PTPN2: variants seen among roughly 807,000 people sequenced by gnomAD.
PTPN2 encodes the protein protein tyrosine phosphatase non-receptor type 2.
PTPN2 carries 19 observed loss-of-function variants against 57.3 expected under a neutral mutation model. That is an observed-to-expected ratio of 0.33 (90% CI 0.23 to 0.49). PTPN2 has a LOEUF of 0.49. Ranked by LOEUF, PTPN2 falls within the 20% of genes least tolerant of loss-of-function variation. The pLI is 0.99. For missense variants in PTPN2, 358 were observed against 501.1 expected, an observed-to-expected ratio of 0.71 and a Z score of 2.73; for synonymous variants, 153 against 164.9, an observed-to-expected ratio of 0.93 and a Z score of 0.55.
At chr18:12,806,951 A>T (rs2041673610) in intron 7 of PTPN2, among the ~76,000 whole-genome samples, 1 of 152,192 alleles carries the variant, frequency 6.6e-6, no homozygotes, top group Non-Finnish European at 1.5e-5. Flanking sequence ...CATCAAACTA[A>T]AAAGCTTCTG....
Position 12,870,462 on chromosome 18 carries a change from TAG to T in PTPN2, c.70-11210_70-11209del, listed in dbSNP as rs762120431. 7.2e-3 allele frequency among the ~76,000 whole-genome samples: 127 copies of T among 17,706 alleles called. 9 individuals are homozygous for T. The highest frequency in any genetic ancestry group is 0.028 in the African/African-American group (58 of 2,064). 11.6% of individuals were successfully genotyped at this position (17,706 alleles called of 152,430 possible). A position where few individuals can be genotyped will look rare whatever the true frequency, so the allele number is the denominator to read the frequency against. On this transcript the variant is annotated intron_variant, in intron 1 of 8. Transcript: ENST00000309660. ...ATGTGTATATATATATATATATATA[TAG>T]AGAGAGAGAGAGAGAGAGAGAGAGA...
At chr18:12,860,079 GGAGTTT>G (rs970899916) in intron 1 of PTPN2, among the ~76,000 whole-genome samples, 1 of 152,076 alleles carries the variant, frequency 6.6e-6, no homozygotes, top group Non-Finnish European at 1.5e-5. Context: ...CCTGAGGTCA[GGAGTTT>G]GAGACCAACC....
At chr18:12,856,406 G>C (rs1228584706) in intron 2 of PTPN2, among the ~76,000 whole-genome samples, 1 of 152,158 alleles carries the variant, frequency 6.6e-6, no homozygotes, top group Non-Finnish European at 1.5e-5. Flanking sequence ...AGGCATGTGT[G>C]GGGAGGGAGG....
In PTPN2 at chr18:12,793,061, T is replaced by C. The variant is rs1295045375; in HGVS notation, c.*1217A>G. ...AAAACCACTGAAATAAGGTATGCTA[T>C]CCATAATAATGTATGCTATCCATGC... is the stretch of plus-strand genomic sequence containing the variant. On this transcript the variant is annotated 3_prime_UTR_variant, in exon 9 of 9. Transcript: ENST00000309660. The C allele has an allele frequency of 1.0e-6, 1 of 985,296 alleles. No homozygotes were observed. The highest frequency in any genetic ancestry group is 1.1e-4 in the East Asian group (1 of 8,834). 61.0% of individuals were successfully genotyped at this position (985,296 alleles called of 1,614,324 possible). A position where few individuals can be genotyped will look rare whatever the true frequency, so the allele number is the denominator to read the frequency against.
At chr18:12,800,517 G>T (rs1014847842) in intron 8 of PTPN2, among the ~76,000 whole-genome samples, 14 of 152,044 alleles carry the variant, frequency 9.2e-5, no homozygotes, top group Admixed American at 2.0e-4. Flanking sequence ...TAAAACTACT[G>T]AAGTCAAAAA....
intron 5 of PTPN2, among the ~76,000 whole-genome samples, chr18:12,818,013 G>A (rs944252193): frequency 1.2e-4 from 19 of 152,036 alleles, no homozygotes; most frequent in African/African-American, 4.1e-4. Flanking sequence ...GTGGTGGCGC[G>A]TGCCTGTAAT....
chr18:12,865,730 G>A (rs919671019), intron 1 of PTPN2, among the ~76,000 whole-genome samples: 9 of 152,016 alleles, frequency 5.9e-5, no homozygotes, highest in Non-Finnish European at 1.2e-4. Context: ...GGAAGGCTGA[G>A]GAACGAGAAT....
At chr18:12,817,128 T>A (rs1157999140) in intron 6 of PTPN2, 28 bp downstream of exon 6, 1 of 1,588,944 alleles carries the variant, frequency 6.3e-7, no homozygotes, top group Non-Finnish European at 8.6e-7. Flanking sequence ...ATCAATGAGA[T>A]TAAAATGAGA....
intron 1 of PTPN2, among the ~76,000 whole-genome samples, chr18:12,871,463 C>T (rs1301226398): frequency 1.3e-5 from 2 of 152,048 alleles, no homozygotes; most frequent in Admixed American, 6.5e-5. Context: ...TCTGTATTTC[C>T]GCTCTCTTTT....
At chr18:12,804,289 CAAAAAAAAA>C (rs59927276) in intron 7 of PTPN2, among the ~76,000 whole-genome samples, 5 of 67,868 alleles carry the variant, frequency 7.4e-5, no homozygotes, top group South Asian at 1.3e-3. Flanking sequence ...GAAACTGTCT[CAAAAAAAAA>C]AAAAAAAAAA....
chr18:12,787,829 T>C (rs2040879805), downstream of PTPN2: 1 of 153,316 alleles, frequency 6.5e-6, no homozygotes, highest in Admixed American at 6.5e-5. Flanking sequence ...AACGTGGTGC[T>C]TTCTGTGGAG....
intron 3 of PTPN2, among the ~76,000 whole-genome samples, chr18:12,835,380 G>GTTTTTTTTTTTTTTTTTTTTT (rs1598816657): frequency 4.8e-5 from 1 of 20,664 alleles, no homozygotes; most frequent in African/African-American, 1.2e-4. Context: ...GATCACATAT[G>GTTTTTTTTTTTTTTTTTTTTT]TCTTTTTTTT....
At chr18:12,854,296 G>A (rs964515769) in intron 2 of PTPN2, among the ~76,000 whole-genome samples, 1 of 148,702 alleles carries the variant, frequency 6.7e-6, no homozygotes, top group East Asian at 2.0e-4. Context: ...GGAGGCGGAG[G>A]TTGCAGTGAG....
chr18:12,841,462 A>G (rs113576227), intron 2 of PTPN2, among the ~76,000 whole-genome samples: 7 of 152,246 alleles, frequency 4.6e-5, no homozygotes, highest in Non-Finnish European at 1.0e-4. Context: ...TCATACACCA[A>G]TACACTGAAA....
At chr18:12,864,304 C>G (rs1358462493) in intron 1 of PTPN2, 1 of 151,912 alleles carries the variant, frequency 6.6e-6, no homozygotes, top group Non-Finnish European at 1.5e-5. Context: ...CCAAAGTAGT[C>G]TAATTTTTGG....
chr18:12,829,253 C>T (rs370846812), intron 4 of PTPN2, among the ~76,000 whole-genome samples: 45 of 152,154 alleles, frequency 3.0e-4, no homozygotes, highest in African/African-American at 9.9e-4. Flanking sequence ...AGGTGGCTCA[C>T]GCCTGTAATC....
At chr18:12,804,460 A>T (rs1268874333) in intron 7 of PTPN2, among the ~76,000 whole-genome samples, 1 of 151,900 alleles carries the variant, frequency 6.6e-6, no homozygotes, top group African/African-American at 2.4e-5. Flanking sequence ...AGATCAACAA[A>T]ACCAAGGATC....
At chr18:12,858,399 A>G (rs2043669750) in intron 2 of PTPN2, among the ~76,000 whole-genome samples, 1 of 152,244 alleles carries the variant, frequency 6.6e-6, no homozygotes, top group Non-Finnish European at 1.5e-5. Context: ...AAATCACCGC[A>G]TGATGATGAA....
chr18:12,881,746 T>C (rs146641604), intron 1 of PTPN2, among the ~76,000 whole-genome samples: 102 of 152,316 alleles, frequency 6.7e-4, no homozygotes, highest in African/African-American at 2.4e-3. Context: ...CTCCCATGTG[T>C]ACCCCTTTTT....
Sources: allele counts gnomAD v4.1 joint callset (sites outside exome capture counted in the v4.1 genomes callset), GRCh38; gene constraint gnomAD v4.1.1; transcripts MANE v1.5; gene names NCBI Gene and HGNC (gene_info 2026-07-23, HGNC 2026-07-21).